CHD6: variants seen among roughly 807,000 people sequenced by gnomAD.
The protein encoded by CHD6 is ATP-dependent chromatin remodeler CHD6.
In CHD6, 50 loss-of-function variants were observed where a neutral mutation model predicts 276.9. That is an observed-to-expected ratio of 0.18 (90% CI 0.14 to 0.23). The LOEUF is 0.23. Ranked by LOEUF, CHD6 falls within the 10% of genes least tolerant of loss-of-function variation. The pLI is 1.00. For synonymous variants in CHD6, 1,173 were observed against 1,229.3 expected, an observed-to-expected ratio of 0.95 and a Z score of 0.96; for missense variants, 2,564 against 3,365.8, an observed-to-expected ratio of 0.76 and a Z score of 5.89.
chr20:41,596,741 T>C (rs2045721838), intron 1 of CHD6, among the ~76,000 whole-genome samples: 1 of 152,102 alleles, frequency 6.6e-6, no homozygotes, highest in South Asian at 2.1e-4. Context: ...AAGGAACAGA[T>C]GAGAAAATAT....
At chr20:41,584,274 A>G (rs1364416478) in intron 1 of CHD6, among the ~76,000 whole-genome samples, 2 of 152,182 alleles carry the variant, frequency 1.3e-5, no homozygotes, top group Non-Finnish European at 2.9e-5. Flanking sequence ...GAGTTAATTC[A>G]TCGAAAAGAT....
chr20:41,421,582 T>C lies in CHD6; in HGVS notation c.5053A>G (p.Lys1685Glu). ...TTGATGGAAATGACATCCTGAACTT[T>C]AGAAATAAAGTTTTCACATGTCACA... is the stretch of plus-strand genomic sequence containing the variant. Reference protein sequence around the residue: ...PDVTCENFISKVQDVISINHD... With the variant: ...PDVTCENFISEVQDVISINHD... Residue 1685 changes from lysine to glutamate, a missense_variant, in exon 31 of 37, where the codon AAA (lysine) becomes GAA (glutamate). By Grantham distance (56) the Lys-to-Glu change is moderately conservative (BLOSUM62 1). Coordinates refer to ENST00000373233, the MANE Select transcript of CHD6 (RefSeq NM_032221.5). 1 of 1,613,876 alleles carries C rather than the reference T, an allele frequency of 6.2e-7. No homozygotes were observed. Among genetic ancestry groups the C allele is most frequent in the South Asian group, 1.1e-5 (1 of 90,966 alleles).
At position 41,491,692 on chromosome 20, in the gene CHD6, C is replaced by T; in HGVS notation, c.1436+6G>A. ...ACAAACATCTGGGCTGGTTTTGGTT[C>T]CTTACCTGTTATACCAGTTAAAAAG... is the stretch of plus-strand genomic sequence containing the variant. On this transcript the variant is annotated splice_donor_region_variant and intron_variant, in intron 11 of 36. Coordinates refer to ENST00000373233, the MANE Select transcript of CHD6 (RefSeq NM_032221.5). The T allele has an allele frequency of 6.2e-7, 1 of 1,613,678 alleles. No homozygotes were observed. The highest frequency in any genetic ancestry group is 1.1e-5 in the South Asian group (1 of 91,050).
At chr20:41,476,596 A>G (rs1264476395) in intron 16 of CHD6, among the ~76,000 whole-genome samples, 1 of 152,232 alleles carries the variant, frequency 6.6e-6, no homozygotes, top group Non-Finnish European at 1.5e-5. Flanking sequence ...ATTCAGTAAG[A>G]AATATGAAGG....
At chr20:41,453,752 C>T (rs1006541214) in intron 20 of CHD6, among the ~76,000 whole-genome samples, 2 of 152,188 alleles carry the variant, frequency 1.3e-5, no homozygotes, top group African/African-American at 4.8e-5. Context: ...GATTGCGACA[C>T]TGTGAAACAC....
At position 41,488,467 on chromosome 20, in the gene CHD6, C is replaced by T. The variant is rs781142882; in HGVS notation, c.1818G>A (p.Arg606=). 1 of 1,613,888 alleles carries T rather than the reference C, an allele frequency of 6.2e-7. No individual in the cohort carries two copies. Among genetic ancestry groups the T allele is most frequent in the Non-Finnish European group, 8.5e-7 (1 of 1,179,858 alleles). The part of the protein sequence containing the change: ...IIDEAHRLKN[R]NCKLLEGLKL... ...TTAGACCCTCCAGAAGTTTGCAGTTCCTATTCTTCAGTCTGTGGGCTTCAT... is the reference window on the plus strand; with the variant it reads ...TTAGACCCTCCAGAAGTTTGCAGTTTCTATTCTTCAGTCTGTGGGCTTCAT... Residue 606 remains arginine, a synonymous_variant, in exon 13 of 37, where the codon AGG becomes AGA. Transcript: ENST00000373233.
At chr20:41,467,430 A>C in intron 17 of CHD6, among the ~76,000 whole-genome samples, 1 of 152,132 alleles carries the variant, frequency 6.6e-6, no homozygotes, top group East Asian at 1.9e-4. Context: ...GTGGTGCTAT[A>C]ATCCCCCAGC....
At chr20:41,437,239 C>T (rs368320199) in intron 27 of CHD6, 35 bp downstream of exon 27, 297 of 1,507,846 alleles carry the variant, frequency 2.0e-4, no homozygotes, top group East Asian at 4.1e-4. Flanking sequence ...ATATGAAAGA[C>T]GGTGTAAATG....
At chr20:41,603,818 G>A (rs1019742379) in intron 1 of CHD6, among the ~76,000 whole-genome samples, 5 of 151,566 alleles carry the variant, frequency 3.3e-5, no homozygotes, top group East Asian at 2.0e-4. Flanking sequence ...GCAGTGAGCC[G>A]AAATCGTGCC....
rs775215971 is a variant in CHD6, at chr20:41,489,969, T to C, written c.1489A>G (p.Ile497Val). 6.2e-7 allele frequency: 1 copy of C among 1,614,072 alleles called. No individual in the cohort carries two copies. Among genetic ancestry groups the C allele is most frequent in the Non-Finnish European group, 8.5e-7 (1 of 1,179,926 alleles). ...EMGLGKTIQS[I>V]TFLSEIFLRG... ...AGAAATATTTCTGAAAGGAATGTGA[T>C]GGACTGGATGGTTTTCCCTAGGCCC... Residue 497 changes from isoleucine to valine, a missense_variant, in exon 12 of 37, where the codon ATC becomes GTC. Physicochemically the swap from Ile to Val is conservative, Grantham distance 29 (BLOSUM62 3). Coordinates refer to ENST00000373233, the MANE Select transcript of CHD6 (RefSeq NM_032221.5).
intron 1 of CHD6, among the ~76,000 whole-genome samples, chr20:41,587,291 A>C (rs2045606433): frequency 6.6e-6 from 1 of 152,240 alleles, no homozygotes; most frequent in Non-Finnish European, 1.5e-5. Context: ...TTATAAACTA[A>C]CTTTAAATTG....
At chr20:41,429,836 C>T (rs1038566754) in intron 27 of CHD6, among the ~76,000 whole-genome samples, 7 of 152,150 alleles carry the variant, frequency 4.6e-5, no homozygotes, top group East Asian at 1.9e-4. Flanking sequence ...CTGACAGCCC[C>T]GCTAAAGAGG....
intron 1 of CHD6, among the ~76,000 whole-genome samples, chr20:41,581,023 T>C (rs1417535494): frequency 2.6e-5 from 4 of 152,198 alleles, no homozygotes; most frequent in Admixed American, 2.0e-4. Context: ...GAAGTAGTAG[T>C]TATATTTATC....
chr20:41,585,811 A>C (rs2045588500), intron 1 of CHD6, among the ~76,000 whole-genome samples: 1 of 152,010 alleles, frequency 6.6e-6, no homozygotes, highest in African/African-American at 2.4e-5. Context: ...GTGACATTAA[A>C]CTCCTTAACA....
chr20:41,498,936 A>G (rs2043763289), intron 6 of CHD6, among the ~76,000 whole-genome samples: 1 of 151,850 alleles, frequency 6.6e-6, no homozygotes, highest in African/African-American at 2.4e-5. Context: ...TGGCCTCTCA[A>G]AGTGATGGGA....
intron 26 of CHD6, among the ~76,000 whole-genome samples, chr20:41,439,287 C>T (rs1076689): frequency 0.23 from 34,961 of 150,964 alleles, 4,210 homozygotes; most frequent in East Asian, 0.39. Flanking sequence ...ACCTGGGAGG[C>T]GGAGGTTGCA....
intron 1 of CHD6, among the ~76,000 whole-genome samples, chr20:41,586,619 G>C (rs1238299941): frequency 6.6e-6 from 1 of 152,174 alleles, no homozygotes; most frequent in East Asian, 1.9e-4. Context: ...AGACCTGCTG[G>C]TAACAATAAT....
At chr20:41,405,544 G>T in intron 36 of CHD6, 55 bp from the exon 37 acceptor site, 1 of 1,387,284 alleles carries the variant, frequency 7.2e-7, no homozygotes, top group Non-Finnish European at 9.8e-7. Flanking sequence ...CAGGTGGTCA[G>T]CTGAGGGTGA....
At chr20:41,481,709 C>T (rs984760166) in intron 16 of CHD6, among the ~76,000 whole-genome samples, 4 of 151,600 alleles carry the variant, frequency 2.6e-5, no homozygotes, top group Admixed American at 6.6e-5. Context: ...ATAATGAAAA[C>T]GTTAAGTACT....
Sources: gnomAD v4.1 joint callset for allele counts (sites outside exome capture counted in the v4.1 genomes callset) on GRCh38, gnomAD v4.1.1 for gene constraint, MANE v1.5 for transcripts, NCBI Gene and HGNC (gene_info 2026-07-23, HGNC 2026-07-21) for gene names.